DNAH5: variants seen among roughly 807,000 people sequenced by gnomAD.
DNAH5 encodes the protein dynein axonemal heavy chain 5.
In DNAH5, 372 loss-of-function variants were observed where a neutral mutation model predicts 518.2. The observed-to-expected ratio is 0.72, with a 90% CI of 0.66 to 0.78. The LOEUF is 0.78. Ranked by LOEUF, DNAH5 falls within the 30% of genes least tolerant of loss-of-function variation. The pLI is 0.00. For missense variants in DNAH5, 5,523 were observed against 5,687.0 expected (o/e 0.97, Z 0.93); for synonymous variants, 2,039 against 2,025.9 (o/e 1.01, Z -0.17).
chr5:13,995,462 C>T (rs937106517), intron 1 of DNAH5, among the ~76,000 whole-genome samples: 1 of 152,046 alleles, frequency 6.6e-6, no homozygotes, highest in African/African-American at 2.4e-5. Flanking sequence ...GACTGCATCT[C>T]GATTTAGTGG....
chr5:14,011,205 T>C (rs1002996474), intron 1 of DNAH5, among the ~76,000 whole-genome samples: 1 of 152,118 alleles, frequency 6.6e-6, no homozygotes, highest in South Asian at 2.1e-4. Flanking sequence ...CAAGGGCTAA[T>C]GAGAGCTGGT....
At chr5:13,902,431 A>C (rs1036915979) in intron 12 of DNAH5, among the ~76,000 whole-genome samples, 3 of 152,194 alleles carry the variant, frequency 2.0e-5, no homozygotes, top group African/African-American at 7.2e-5. Flanking sequence ...GAGATGGGCT[A>C]TGGGGTCCTA....
At chr5:13,902,241 G>A (rs1774729395) in intron 12 of DNAH5, 103 bp from the exon 13 acceptor site, 7 of 806,054 alleles carry the variant, frequency 8.7e-6, no homozygotes, top group African/African-American at 1.7e-5. Flanking sequence ...ATATAACATG[G>A]AACAAAATGT....
At position 13,872,606 on chromosome 5, in the gene DNAH5, A is replaced by C. The variant is rs562113575; in HGVS notation, c.3397-841T>G. On this transcript the variant is annotated intron_variant, in intron 22 of 78. Transcript: ENST00000265104. ...TTTTTAAATTTATTTGTAAATCAAC[A>C]GTCTAGTTTGCTAACCAAGTATGCA... 3.9e-5 allele frequency among the ~76,000 whole-genome samples: 6 copies of C among 152,292 alleles called. No individual in the cohort carries two copies. In the East Asian group the frequency reaches 7.7e-4, roughly 20 times the overall value.
intron 62 of DNAH5, 102 bp downstream of exon 62, chr5:13,754,101 A>C: frequency 7.3e-7 from 1 of 1,374,772 alleles, no homozygotes; most frequent in East Asian, 2.3e-5. Flanking sequence ...ATATGTATAC[A>C]TGCGCCATGT....
chr5:13,824,908 T>A (rs1382322784), intron 38 of DNAH5, among the ~76,000 whole-genome samples: 1 of 152,192 alleles, frequency 6.6e-6, no homozygotes, highest in Non-Finnish European at 1.5e-5. Flanking sequence ...CTCAATTATG[T>A]CAAATTTCAG....
intron 1 of DNAH5, among the ~76,000 whole-genome samples, chr5:14,008,055 C>T (rs368331690): frequency 6.6e-6 from 1 of 151,740 alleles, no homozygotes; most frequent in Non-Finnish European, 1.5e-5. Flanking sequence ...GCCTATAATC[C>T]CAACTACTTG....
At chr5:13,903,593 A>C (rs1373268993) in intron 12 of DNAH5, among the ~76,000 whole-genome samples, 1 of 151,974 alleles carries the variant, frequency 6.6e-6, no homozygotes, top group Non-Finnish European at 1.5e-5. Flanking sequence ...ATATTAAAAG[A>C]TAGAAATATT....
In DNAH5 at chr5:13,984,992, G is replaced by A. The variant is rs1019772426; in HGVS notation, c.12+26656C>T. On this transcript the variant is annotated intron_variant, in intron 1 of 78. Coordinates refer to the DNAH5 transcript ENST00000681290. The stretch of plus-strand genomic sequence containing the variant: ...ACACATGCACATGTATGTTTATTGC[G>A]GCACTACTCACAATAGCAAAGACTT... Among the ~76,000 whole-genome samples, 13 of 152,170 alleles carry A rather than the reference G, an allele frequency of 8.5e-5. 1 individual carries two copies. In the East Asian group the frequency reaches 9.6e-4, roughly 11 times the overall value.
chr5:13,724,116 C>A (rs1745411234), intron 70 of DNAH5, among the ~76,000 whole-genome samples: 1 of 152,264 alleles, frequency 6.6e-6, no homozygotes, highest in African/African-American at 2.4e-5. Flanking sequence ...CTTCTTTTCT[C>A]CAACTTCAAC....
At chr5:14,003,151 C>A (rs1169354321) in intron 1 of DNAH5, among the ~76,000 whole-genome samples, 1 of 152,144 alleles carries the variant, frequency 6.6e-6, no homozygotes, top group Non-Finnish European at 1.5e-5. Context: ...GTCTTAATAG[C>A]AGTAAATTAA....
In DNAH5 at chr5:13,894,776, C is replaced by A; in HGVS notation, c.2305G>T (p.Ala769Ser). Residue 769 changes from alanine (A) to serine (S), a missense_variant, in exon 16 of 79, where the codon GCC becomes TCC. Ala to Ser is a moderately conservative substitution (Grantham distance 99). Coordinates refer to ENST00000265104, the MANE Select transcript of DNAH5 (RefSeq NM_001369.3). ...YQRVKSKIPA[A>S]IEQLIVPHLA... is the part of the protein sequence containing the mutation. Reference sequence around the variant, plus strand: ...TGAGGGACAATCAATTGCTCAATGGCAGCAGGTATTTTTGACTTCACTCTC... The same window carrying A: ...TGAGGGACAATCAATTGCTCAATGGAAGCAGGTATTTTTGACTTCACTCTC... 1 of 1,614,096 alleles carries A rather than the reference C, an allele frequency of 6.2e-7. No individual in the cohort carries two copies. The highest frequency in any genetic ancestry group is 8.5e-7 in the Non-Finnish European group (1 of 1,179,960).
chr5:13,770,873 C>A lies in DNAH5; in HGVS notation c.9481G>T (p.Val3161Phe), dbSNP rs773045896. 7.0e-5 allele frequency: 113 copies of A among 1,613,962 alleles called. No individual in the cohort carries two copies. Among genetic ancestry groups the A allele is most frequent in the Admixed American group, 1.8e-4 (11 of 59,994 alleles). ...CGTCGGAATCTCTGAAAATAATCAA[C>A]ACACTTCTCAGCCACCCCATCCTGG... Reference protein sequence around the residue: ...SFQDGVAEKCVDYFQRFRRST... With the variant: ...SFQDGVAEKCFDYFQRFRRST... The change falls in exon 56 of 79, where the codon GTT becomes TTT. Residue 3161 changes from valine to phenylalanine, a missense_variant. Coordinates refer to ENST00000265104, the MANE Select transcript of DNAH5 (RefSeq NM_001369.3).
rs547679528 is a variant in DNAH5, at chr5:13,737,519, T to G, written c.11212-24A>C. ...TCCTATTAATTTGCATAAATATATT[T>G]TCTACCTCAATTAACAACTCTTGTT... On this transcript the variant is annotated intron_variant, in intron 65 of 78. Transcript: ENST00000265104. 6.1e-5 allele frequency: 99 copies of G among 1,611,186 alleles called. 1 individual carries two copies. The South Asian group carries it at 1.0e-3, about 17-fold the overall frequency.
chr5:13,737,228 T>C (rs1411909491), intron 66 of DNAH5, 24 bp downstream of exon 66: 1 of 1,613,806 alleles, frequency 6.2e-7, no homozygotes. Context: ...TCCTGTGACA[T>C]TTGTCTTTCA....
chr5:13,944,714 C>T (rs538268848), upstream of DNAH5, among the ~76,000 whole-genome samples: 48 of 152,314 alleles, frequency 3.2e-4, 1 homozygote, highest in South Asian at 9.9e-3. Context: ...ATACACTATA[C>T]AGTTGAACCA....
intron 68 of DNAH5, among the ~76,000 whole-genome samples, chr5:13,733,888 C>A (rs1746966577): frequency 6.6e-6 from 1 of 152,034 alleles, no homozygotes; most frequent in Non-Finnish European, 1.5e-5. Context: ...GCATGAAAAT[C>A]TCCTGCTAGA....
chr5:13,888,508 C>A (rs1200813884), intron 17 of DNAH5, among the ~76,000 whole-genome samples: 1 of 152,186 alleles, frequency 6.6e-6, no homozygotes, highest in African/African-American at 2.4e-5. Context: ...TCTCCATCAT[C>A]CTTTTCATTT....
intron 29 of DNAH5, 85 bp from the exon 30 acceptor site, chr5:13,859,690 T>A: frequency 7.4e-7 from 1 of 1,343,894 alleles, no homozygotes; most frequent in South Asian, 1.2e-5. Flanking sequence ...AAATCTTAAT[T>A]TTTAACCGCT....
Sources: allele counts gnomAD v4.1 joint callset (sites outside exome capture counted in the v4.1 genomes callset), GRCh38; gene constraint gnomAD v4.1.1; transcripts MANE v1.5; gene names NCBI Gene and HGNC (gene_info 2026-07-23, HGNC 2026-07-21).